Variants in GRM5 observed in about 807,000 individuals in gnomAD.
GRM5 encodes metabotropic glutamate receptor 5.
In GRM5, 19 loss-of-function variants were observed where a neutral mutation model predicts 83.1. The ratio of observed to expected loss-of-function variants is 0.23; its 90% CI spans 0.16 to 0.34. The LOEUF (loss-of-function observed/expected upper bound fraction) is 0.34. Ranked by LOEUF, GRM5 falls within the 10% of genes least tolerant of loss-of-function variation. The pLI, the probability that GRM5 is intolerant of heterozygous loss-of-function variation, is 1.00. For missense variants in GRM5, 1,160 were observed against 1,588.3 expected (o/e 0.73, Z 4.58); for synonymous variants, 675 against 633.6 (o/e 1.07, Z -0.98).
chr11:88,564,243 C>T (rs1241609727), intron 8 of GRM5, among the ~76,000 whole-genome samples: 1 of 152,128 alleles, frequency 6.6e-6, no homozygotes, highest in Non-Finnish European at 1.5e-5. Context: ...TTCTCTTTAC[C>T]CTCTTTCAGA....
At chr11:89,022,196 T>G (rs2135110080) in intron 2 of GRM5, among the ~76,000 whole-genome samples, 1 of 152,250 alleles carries the variant, frequency 6.6e-6, no homozygotes, top group Non-Finnish European at 1.5e-5. Context: ...GAAAGCTGGT[T>G]TTTGTAGCCT....
chr11:88,622,649 T>A (rs1347678678), intron 4 of GRM5, among the ~76,000 whole-genome samples: 1 of 152,156 alleles, frequency 6.6e-6, no homozygotes, highest in Non-Finnish European at 1.5e-5. Context: ...GATCTTTTAA[T>A]CAAAACATGA....
At chr11:88,566,996 C>T in intron 8 of GRM5, 57 bp downstream of exon 8, 2 of 1,132,118 alleles carry the variant, frequency 1.8e-6, no homozygotes, top group South Asian at 3.0e-5. Flanking sequence ...CCAGGAAACA[C>T]ATGCCTCTGC....
chr11:88,735,791 A>G (rs1284565030), intron 3 of GRM5, among the ~76,000 whole-genome samples: 2 of 152,100 alleles, frequency 1.3e-5, no homozygotes, highest in African/African-American at 2.4e-5. Flanking sequence ...GGAGACATTG[A>G]CTGCGTTAAT....
chr11:89,058,683 A>T (rs1941926216), intron 1 of GRM5, among the ~76,000 whole-genome samples: 1 of 152,190 alleles, frequency 6.6e-6, no homozygotes, highest in South Asian at 2.1e-4. Flanking sequence ...TTTCAATTTG[A>T]GAAAGACAAA....
At chr11:88,884,424 G>T (rs2135576711) in intron 2 of GRM5, among the ~76,000 whole-genome samples, 1 of 152,282 alleles carries the variant, frequency 6.6e-6, no homozygotes, top group Non-Finnish European at 1.5e-5. Context: ...ACTTGCTTTT[G>T]ATTTTACAGG....
chr11:88,961,854 A>C (rs534749509), intron 2 of GRM5, among the ~76,000 whole-genome samples: 2 of 152,246 alleles, frequency 1.3e-5, no homozygotes, highest in Admixed American at 1.3e-4. Context: ...TTCCATGTAC[A>C]CCCGGTGATC....
intron 6 of GRM5, among the ~76,000 whole-genome samples, chr11:88,593,687 A>AAC (rs1555075003): frequency 8.7e-5 from 13 of 149,978 alleles, no homozygotes; most frequent in Admixed American, 4.0e-4. Flanking sequence ...AAAAAAAAAA[A>AAC]CAAAAAATTC....
In GRM5 at chr11:88,555,295, G is replaced by T. The variant is rs544022461; in HGVS notation, c.2630+11758C>A. Reference sequence around the variant, plus strand: ...GTTCCTTAGCAAAGCAATCTCTCTGGCCCTACTCCAGACAAACTGAATCAG... The same window carrying T: ...GTTCCTTAGCAAAGCAATCTCTCTGTCCCTACTCCAGACAAACTGAATCAG... On this transcript the variant is annotated intron_variant, in intron 8 of 9. Coordinates refer to ENST00000305447, the MANE Select transcript of GRM5 (RefSeq NM_001143831.3). 4.6e-5 allele frequency among the ~76,000 whole-genome samples: 7 copies of T among 152,176 alleles called. No homozygotes were observed. In the South Asian group the frequency reaches 1.2e-3, roughly 27 times the overall value.
At position 88,508,918 on chromosome 11, in the gene GRM5, A is replaced by G. The variant is rs946179479; in HGVS notation, c.3313T>C (p.Leu1105=). Residue 1105 remains leucine, a synonymous_variant, in exon 10 of 10, where the codon TTG becomes CTG. Coordinates refer to ENST00000305447, the MANE Select transcript of GRM5 (RefSeq NM_001143831.3). This position sits in a 1 kb window ranked among gnomAD's most constrained non-coding sequence, Gnocchi z 4.2. ...GCAAAGGTCGTCATGGTCGTGGGCA[A>G]CTGGATCTCTTTGGGGATCAGGTAG... is the stretch of plus-strand genomic sequence containing the variant. ...SSYLIPKEIQ[L]PTTMTTFAEI... The G allele has an allele frequency of 6.2e-7, 1 of 1,601,898 alleles. No homozygotes were observed. The highest frequency in any genetic ancestry group is 8.5e-7 in the Non-Finnish European group (1 of 1,174,834).
intron 3 of GRM5, among the ~76,000 whole-genome samples, chr11:88,667,241 G>C (rs1252578241): frequency 6.6e-6 from 1 of 152,014 alleles, no homozygotes; most frequent in African/African-American, 2.4e-5. Flanking sequence ...ATATAGAAAA[G>C]TATAAAATAT....
chr11:88,935,977 A>G (rs1315646798), intron 2 of GRM5, among the ~76,000 whole-genome samples: 2 of 151,902 alleles, frequency 1.3e-5, no homozygotes, highest in East Asian at 1.9e-4. Flanking sequence ...TCAAGAATAA[A>G]TCTATTTTAA....
intron 1 of GRM5, among the ~76,000 whole-genome samples, chr11:89,051,607 G>A (rs1406341329): frequency 1.3e-5 from 2 of 152,072 alleles, no homozygotes; most frequent in Non-Finnish European, 2.9e-5. Flanking sequence ...CTACTCAGGA[G>A]GCTGAGGCAG....
intron 2 of GRM5, among the ~76,000 whole-genome samples, chr11:89,003,489 T>C (rs778232788): frequency 1.3e-5 from 2 of 149,644 alleles, no homozygotes; most frequent in Non-Finnish European, 3.0e-5. Flanking sequence ...TTGAGATGAA[T>C]GCAAAAAATG....
chr11:88,759,834 C>A (rs907236766), intron 3 of GRM5, among the ~76,000 whole-genome samples: 2 of 152,084 alleles, frequency 1.3e-5, no homozygotes, highest in Non-Finnish European at 2.9e-5. Flanking sequence ...ACATAAAACA[C>A]CCCTCAGCAA....
rs555903424 is a variant in GRM5 at position 88,757,448 on chromosome 11, C to A, written c.911+92458G>T. Among the ~76,000 whole-genome samples, 345 of 152,272 alleles carry A rather than the reference C, an allele frequency of 2.3e-3. 1 individual carries two copies. The highest frequency in any genetic ancestry group is 8.0e-3 in the African/African-American group (331 of 41,564). ...ACAGAGCCTGCCAGCCTCACCCCCA[C>A]CAATGCTGTGCTCCTGCAACAACAC... On this transcript the variant is annotated intron_variant, in intron 3 of 9. Transcript: ENST00000305447.
At chr11:88,770,000 A>G (rs1327501936) in intron 3 of GRM5, among the ~76,000 whole-genome samples, 2 of 152,052 alleles carry the variant, frequency 1.3e-5, no homozygotes, top group Non-Finnish European at 2.9e-5. Context: ...ACCAACAGTT[A>G]TAAATCATGT....
intron 6 of GRM5, among the ~76,000 whole-genome samples, chr11:88,591,983 G>A (rs1937649595): frequency 6.6e-6 from 1 of 152,104 alleles, no homozygotes; most frequent in Non-Finnish European, 1.5e-5. Flanking sequence ...GAAAACTAAG[G>A]TAAAGTTAGC....
chr11:88,750,717 TAACA>T (rs571695252), intron 3 of GRM5, among the ~76,000 whole-genome samples: 2 of 152,040 alleles, frequency 1.3e-5, no homozygotes, highest in African/African-American at 4.8e-5. Context: ...ACTTAAATCA[TAACA>T]AACAGTCTCT....
Sources: allele counts gnomAD v4.1 joint callset (sites outside exome capture counted in the v4.1 genomes callset), GRCh38; gene constraint gnomAD v4.1.1; non-coding constraint Gnocchi (gnomAD v3.1); transcripts MANE v1.5; gene names NCBI Gene and HGNC (gene_info 2026-07-23, HGNC 2026-07-21).